HTT-AS: variants seen among roughly 807,000 people sequenced by gnomAD.
HTT-AS encodes the protein HTT antisense RNA, also known as HTT antisense RNA (head to head).
At chr4:3,072,765 C>G (rs555687781) in intron 1 of HTT-AS, among the ~76,000 whole-genome samples, 21 of 152,260 alleles carry the variant, frequency 1.4e-4, no homozygotes, top group African/African-American at 5.1e-4. Flanking sequence ...ATAGCTGGGA[C>G]TACAGGCATG....
intron 2 of HTT-AS, among the ~76,000 whole-genome samples, chr4:3,059,281 C>T (rs147739645): frequency 1.1e-3 from 175 of 152,280 alleles, no homozygotes; most frequent in Admixed American, 2.9e-3. Flanking sequence ...CTCACTTCTG[C>T]TTTCTGTGGC....
chr4:3,066,425 C>T (rs1712060025), intron 1 of HTT-AS, among the ~76,000 whole-genome samples: 2 of 152,154 alleles, frequency 1.3e-5, no homozygotes, highest in South Asian at 4.1e-4. Flanking sequence ...ACCTCGGCCT[C>T]CCAAAGTGCT....
chr4:3,047,524 A>G (rs1711614648), downstream of HTT-AS, among the ~76,000 whole-genome samples: 1 of 152,252 alleles, frequency 6.6e-6, no homozygotes, highest in African/African-American at 2.4e-5. Context: ...AGAAGTGACC[A>G]GAAGACGAGT....
chr4:3,074,519 G>T, exon 1 of HTT-AS: 1 of 286,972 alleles, frequency 3.5e-6, no homozygotes, highest in Non-Finnish European at 6.2e-6. Flanking sequence ...CTTGCTGTGT[G>T]AGGCAGAACC....
chr4:3,058,182 T>C (rs1277537609), intron 2 of HTT-AS, among the ~76,000 whole-genome samples: 3 of 151,812 alleles, frequency 2.0e-5, no homozygotes, highest in Non-Finnish European at 4.4e-5. Context: ...AAAAATTAGC[T>C]GGGCGTGGTG....
chr4:3,057,064 C>T (rs952802408), intron 2 of HTT-AS, among the ~76,000 whole-genome samples: 29 of 150,856 alleles, frequency 1.9e-4, no homozygotes, highest in African/African-American at 6.6e-4. Flanking sequence ...GGCAGAGTCT[C>T]GCTCTGTCGC....
intron 1 of HTT-AS, among the ~76,000 whole-genome samples, chr4:3,066,881 T>C (rs1333293665): frequency 6.6e-6 from 1 of 152,106 alleles, no homozygotes; most frequent in Non-Finnish European, 1.5e-5. Context: ...AGCAGAAACT[T>C]CAGGCATGAG....
chr4:3,051,261 C>T (rs1034388143), intron 2 of HTT-AS, among the ~76,000 whole-genome samples: 6 of 152,078 alleles, frequency 3.9e-5, no homozygotes, highest in African/African-American at 1.2e-4. Context: ...GACGGGGTTT[C>T]TCCACGTTGG....
intron 1 of HTT-AS, among the ~76,000 whole-genome samples, chr4:3,066,930 A>G (rs1712067712): frequency 6.6e-6 from 1 of 152,240 alleles, no homozygotes; most frequent in Non-Finnish European, 1.5e-5. Context: ...TCTAGTGTCT[A>G]GATAATGGAG....
intron 2 of HTT-AS, among the ~76,000 whole-genome samples, chr4:3,051,028 ATT>A (rs1491257024): frequency 4.1e-4 from 34 of 83,308 alleles, no homozygotes; most frequent in African/African-American, 1.4e-3. Flanking sequence ...ATCCCTTACA[ATT>A]TGTGTGTGTG....
chr4:3,063,853 T>A (rs1339569753), intron 1 of HTT-AS, among the ~76,000 whole-genome samples: 1 of 152,016 alleles, frequency 6.6e-6, no homozygotes. Flanking sequence ...GATGATTTTA[T>A]GGAGGGGATG....
chr4:3,051,396 CAG>C (rs1711701685), intron 2 of HTT-AS, among the ~76,000 whole-genome samples: 2 of 152,084 alleles, frequency 1.3e-5, no homozygotes, highest in African/African-American at 4.8e-5. Flanking sequence ...TGCCCCCATG[CAG>C]CCAGTTGGGT....
chr4:3,055,131 G>A (rs111629965), intron 2 of HTT-AS, among the ~76,000 whole-genome samples: 92 of 151,918 alleles, frequency 6.1e-4, no homozygotes, highest in African/African-American at 2.0e-3. Context: ...GGTAGATCAC[G>A]AGGTCAGGAG....
At chr4:3,050,208 A>T (rs561679596) in intron 2 of HTT-AS, among the ~76,000 whole-genome samples, 1 of 152,222 alleles carries the variant, frequency 6.6e-6, no homozygotes, top group Non-Finnish European at 1.5e-5. Flanking sequence ...CTTGAATCCC[A>T]GTTGCTTCTC....
At chr4:3,067,873 C>A (rs1264178328) in intron 1 of HTT-AS, among the ~76,000 whole-genome samples, 1 of 152,124 alleles carries the variant, frequency 6.6e-6, no homozygotes, top group Non-Finnish European at 1.5e-5. Context: ...CTCCTTACAC[C>A]CCCAGACGTA....
chr4:3,058,878 C>T (rs750579569), intron 2 of HTT-AS, among the ~76,000 whole-genome samples: 1 of 152,122 alleles, frequency 6.6e-6, no homozygotes, highest in Admixed American at 6.5e-5. Context: ...CACCATCATA[C>T]TGGGCTAATT....
downstream of HTT-AS, among the ~76,000 whole-genome samples, chr4:3,048,288 T>C (rs1019229369): frequency 3.3e-5 from 5 of 152,254 alleles, no homozygotes; most frequent in African/African-American, 1.2e-4. Context: ...TTTGGGTTTC[T>C]GGTCTCAGCA....
exon 2 of HTT-AS, chr4:3,063,335 T>G (rs1312125789): frequency 6.6e-6 from 1 of 152,472 alleles, no homozygotes; most frequent in Non-Finnish European, 1.5e-5. Flanking sequence ...TTAAAAGCCT[T>G]GCTCAGGGCT....
Position 3,067,912 on chromosome 4 carries a change from CAG to C in HTT-AS, n.114-4214_114-4213del, listed in dbSNP as rs561051809. On this transcript the variant is annotated intron_variant and non_coding_transcript_variant, in intron 1 of 2. Transcript: ENST00000664062. ...CTGCAAAACTACAGAAAACCAAAGA[CAG>C]AGAAAATCTTAAAAGCAGCCAGATT... Among the ~76,000 whole-genome samples the C allele has an allele frequency of 1.8e-3, 267 of 152,228 alleles. 2 individuals are homozygous for C. The highest frequency in any genetic ancestry group is 3.0e-3 in the Admixed American group (46 of 15,290).
Sources: allele counts gnomAD v4.1 joint callset (sites outside exome capture counted in the v4.1 genomes callset), GRCh38; gene constraint gnomAD v4.1.1; transcripts MANE v1.5; gene names NCBI Gene and HGNC (gene_info 2026-07-23, HGNC 2026-07-21).